The following SPMIP7 variants were observed in gnomAD, a reference collection of about 807,000 sequenced individuals.
The protein encoded by SPMIP7 is sperm microtubule inner protein 7.
chr7:50,158,939 G>T, the SPMIP7 span: 12 of 1,167,042 alleles, frequency 1.0e-5, no homozygotes, highest in Middle Eastern at 2.0e-4. Flanking sequence ...TGCAGTGCGC[G>T]CTCCCCTCCC....
chr7:50,107,541 A>C, the SPMIP7 span, among the ~76,000 whole-genome samples: 3 of 152,196 alleles, frequency 2.0e-5, no homozygotes, highest in African/African-American at 7.2e-5. Context: ...CTGGTAGATA[A>C]ATCAGAAGAA....
chr7:50,114,726 G>C, the SPMIP7 span, among the ~76,000 whole-genome samples: 1 of 152,218 alleles, frequency 6.6e-6, no homozygotes, highest in South Asian at 2.1e-4. Flanking sequence ...CAAATTGTTA[G>C]TTGGATAAAA....
the SPMIP7 span, chr7:50,142,428 AT>A: frequency 6.6e-6 from 1 of 152,168 alleles, no homozygotes; most frequent in Non-Finnish European, 1.5e-5. Flanking sequence ...CTTGCTGTTA[AT>A]TTCTGTTTTT....
chr7:50,131,667 A>G, the SPMIP7 span, among the ~76,000 whole-genome samples: 1 of 152,180 alleles, frequency 6.6e-6, no homozygotes, highest in African/African-American at 2.4e-5. Flanking sequence ...AGGAAGATGA[A>G]GAGTCTAGGT....
At chr7:50,125,319 C>CACACAT in the SPMIP7 span, among the ~76,000 whole-genome samples, 1,098 of 33,540 alleles carry the variant, frequency 0.033, 67 homozygotes, top group Non-Finnish European at 0.035. Flanking sequence ...CCCATATATA[C>CACACAT]ATATATACAC....
the SPMIP7 span, among the ~76,000 whole-genome samples, chr7:50,125,137 C>CATATATAT: frequency 7.7e-5 from 3 of 38,912 alleles, no homozygotes; most frequent in African/African-American, 3.6e-4. Flanking sequence ...CACACACACA[C>CATATATAT]ACACATATAC....
the SPMIP7 span, among the ~76,000 whole-genome samples, chr7:50,110,883 AT>A: frequency 1.5e-5 from 2 of 135,590 alleles, no homozygotes; most frequent in Admixed American, 1.5e-4. Context: ...ATTACTATAT[AT>A]TATTACATAA....
At chr7:50,099,497 G>A in the SPMIP7 span, among the ~76,000 whole-genome samples, 1 of 152,084 alleles carries the variant, frequency 6.6e-6, no homozygotes, top group Non-Finnish European at 1.5e-5. Flanking sequence ...TCCACATTAG[G>A]CAAAGCAGGC....
the SPMIP7 span, among the ~76,000 whole-genome samples, chr7:50,125,081 A>G: frequency 8.9e-6 from 1 of 112,950 alleles, no homozygotes; most frequent in East Asian, 2.3e-4. Flanking sequence ...CCTAGGCGAC[A>G]GAGTGAGATT....
the SPMIP7 span, among the ~76,000 whole-genome samples, chr7:50,131,974 T>C: frequency 6.6e-6 from 1 of 152,290 alleles, no homozygotes; most frequent in South Asian, 2.1e-4. Context: ...TCAGACAGGC[T>C]TCACATTTCA....
the SPMIP7 span, among the ~76,000 whole-genome samples, chr7:50,100,305 G>A: frequency 6.6e-6 from 1 of 152,252 alleles, no homozygotes; most frequent in Admixed American, 6.5e-5. Flanking sequence ...ATCTGCAAGA[G>A]GGTGACTAAC....
chr7:50,157,995 C>G, the SPMIP7 span, among the ~76,000 whole-genome samples: 3 of 152,212 alleles, frequency 2.0e-5, no homozygotes, highest in East Asian at 3.8e-4. Flanking sequence ...CAGTCATGAG[C>G]CTCCTGTGGG....
the SPMIP7 span, chr7:50,142,963 C>CG: frequency 6.6e-5 from 10 of 152,246 alleles, no homozygotes; most frequent in African/African-American, 2.4e-4. Flanking sequence ...AGCACATGCG[C>CG]CTACTTTGTG....
At chr7:50,156,875 C>T in the SPMIP7 span, among the ~76,000 whole-genome samples, 1 of 152,094 alleles carries the variant, frequency 6.6e-6, no homozygotes, top group Admixed American at 6.5e-5. Context: ...GTTCTCCCCT[C>T]TCGTTCCTTT....
At chr7:50,127,095 T>C in the SPMIP7 span, among the ~76,000 whole-genome samples, 1 of 151,846 alleles carries the variant, frequency 6.6e-6, no homozygotes, top group Admixed American at 6.6e-5. Flanking sequence ...AGCCCACATA[T>C]AAATCCACAC....
the SPMIP7 span, among the ~76,000 whole-genome samples, chr7:50,113,397 G>A: frequency 6.6e-6 from 1 of 152,100 alleles, no homozygotes; most frequent in African/African-American, 2.4e-5. Context: ...GACAGACATA[G>A]AAGACCAAGC....
chr7:50,104,291 A>G, the SPMIP7 span: 7 of 1,332,668 alleles, frequency 5.3e-6, no homozygotes, highest in East Asian at 2.6e-5. Context: ...CCAAAATCCC[A>G]TTCGCTTTTT....
At chr7:50,152,933 C>T in the SPMIP7 span, among the ~76,000 whole-genome samples, 3 of 152,036 alleles carry the variant, frequency 2.0e-5, no homozygotes, top group South Asian at 2.1e-4. Flanking sequence ...GTGATGCTCC[C>T]GCCTTGGCCT....
chr7:50,129,752 A>G, the SPMIP7 span: 2 of 1,549,220 alleles, frequency 1.3e-6, no homozygotes, highest in African/African-American at 1.4e-5. Flanking sequence ...CAAACAAGAA[A>G]TGTAATGCAA....
Sources: gnomAD v4.1 joint callset for allele counts (sites outside exome capture counted in the v4.1 genomes callset) on GRCh38, gnomAD v4.1.1 for gene constraint, MANE v1.5 for transcripts, NCBI Gene and HGNC (gene_info 2026-07-23, HGNC 2026-07-21) for gene names.